The following CAP2 variants were observed in gnomAD, a reference collection of about 807,000 sequenced individuals.
CAP2 encodes cyclase associated actin cytoskeleton regulatory protein 2.
In CAP2, 24 loss-of-function variants were observed where a neutral mutation model predicts 57.7. The observed-to-expected ratio is 0.42, with a 90% CI of 0.30 to 0.58. CAP2 has a LOEUF of 0.58. CAP2 is among the 20% of genes least tolerant of loss of function. The pLI, the probability that CAP2 is intolerant of heterozygous loss-of-function variation, is 0.22. For missense variants in CAP2, 501 were observed against 590.3 expected (o/e 0.85, Z 1.57); for synonymous variants, 194 against 207.2 (o/e 0.94, Z 0.55).
At chr6:17,526,956 C>CAAAAAAAAAAAAA (rs1221212193) in intron 7 of CAP2, among the ~76,000 whole-genome samples, 2 of 80,108 alleles carry the variant, frequency 2.5e-5, no homozygotes, top group African/African-American at 5.1e-5. Context: ...GACTCTGTCT[C>CAAAAAAAAAAAAA]AAAAAAAAAA....
chr6:17,515,295 A>G (rs999240696), intron 7 of CAP2, among the ~76,000 whole-genome samples: 2 of 152,194 alleles, frequency 1.3e-5, no homozygotes, highest in African/African-American at 4.8e-5. Flanking sequence ...GAACAAAATC[A>G]TGTCCTTTGC....
At chr6:17,494,815 C>G (rs748337482) in intron 4 of CAP2, among the ~76,000 whole-genome samples, 1 of 152,118 alleles carries the variant, frequency 6.6e-6, no homozygotes, top group South Asian at 2.1e-4. Context: ...ATTGCGCTTC[C>G]AAATCAGTTG....
At position 17,556,695 on chromosome 6, in the gene CAP2, GA is replaced by G. The variant is rs527725408; in HGVS notation, c.*264del. ...ACTTGTGAACATTAGGGATTTAAAG[GA>G]AAAAAAAAAAGAATTCTGTTCCCCT... is the stretch of plus-strand genomic sequence containing the variant. On this transcript the variant is annotated 3_prime_UTR_variant, in exon 13 of 13. Transcript: ENST00000229922. 0.059 allele frequency: 19,859 copies of G among 336,368 alleles called. 6 individuals are homozygous for G. The highest frequency in any genetic ancestry group is 0.077 in the East Asian group (1,633 of 21,218). 20.8% of individuals were successfully genotyped at this position (336,368 alleles called of 1,614,324 possible).
intron 6 of CAP2, among the ~76,000 whole-genome samples, chr6:17,511,272 G>A (rs1381771260): frequency 2.6e-5 from 4 of 152,046 alleles, no homozygotes; most frequent in African/African-American, 4.8e-5. Flanking sequence ...ACTCAAGCCC[G>A]TGGTGCCGTC....
rs545647012 is a variant in CAP2, at chr6:17,497,992, C to T, written c.301-9177C>T. ...TAACATCGTGGGTCATTGTGTTAAA[C>T]GTTTACATTTCCATTCAACTTGACT... On this transcript the variant is annotated intron_variant, in intron 4 of 12. Coordinates refer to ENST00000229922, the MANE Select transcript of CAP2 (RefSeq NM_006366.3). Among the ~76,000 whole-genome samples, 91 of 152,328 alleles carry T rather than the reference C, an allele frequency of 6.0e-4. 2 individuals carry two copies. Among genetic ancestry groups the T allele is most frequent in the South Asian group, 4.8e-3 (23 of 4,826 alleles).
chr6:17,446,395 T>A (rs2113571483), intron 3 of CAP2, among the ~76,000 whole-genome samples: 1 of 152,376 alleles, frequency 6.6e-6, no homozygotes, highest in African/African-American at 2.4e-5. Context: ...CTTTTTTCTT[T>A]ATATGAGTAT....
chr6:17,488,289 C>A (rs1761468578), intron 4 of CAP2, among the ~76,000 whole-genome samples: 1 of 152,162 alleles, frequency 6.6e-6, no homozygotes, highest in Non-Finnish European at 1.5e-5. Context: ...GTATCTTTTT[C>A]TGCTGTTCTC....
intron 3 of CAP2, among the ~76,000 whole-genome samples, chr6:17,441,677 G>A (rs1031987894): frequency 3.4e-5 from 5 of 147,008 alleles, no homozygotes; most frequent in Admixed American, 6.7e-5. Flanking sequence ...TAGAGACAGC[G>A]TTTCACCATG....
intron 3 of CAP2, among the ~76,000 whole-genome samples, chr6:17,438,259 G>C (rs956148697): frequency 4.0e-5 from 6 of 149,530 alleles, no homozygotes; most frequent in Admixed American, 2.0e-4. Context: ...CCAGCTACTC[G>C]GGAGGCTGAG....
chr6:17,498,805 C>G (rs973785317), intron 4 of CAP2, among the ~76,000 whole-genome samples: 3 of 151,838 alleles, frequency 2.0e-5, no homozygotes, highest in African/African-American at 7.2e-5. Flanking sequence ...CTCTGCTCAC[C>G]GCAAGCTCCG....
intron 4 of CAP2, among the ~76,000 whole-genome samples, chr6:17,488,279 G>A (rs185916093): frequency 1.3e-5 from 2 of 152,060 alleles, no homozygotes; most frequent in Non-Finnish European, 2.9e-5. Flanking sequence ...GCTCTTTTTG[G>A]TATCTTTTTC....
chr6:17,420,281 G>A (rs920756838), intron 1 of CAP2, among the ~76,000 whole-genome samples: 6 of 152,122 alleles, frequency 3.9e-5, no homozygotes, highest in Non-Finnish European at 7.4e-5. Context: ...CCCCACCTAA[G>A]ACTAAATTTT....
At chr6:17,396,050 G>A (rs1200523901) in intron 1 of CAP2, among the ~76,000 whole-genome samples, 3 of 152,148 alleles carry the variant, frequency 2.0e-5, no homozygotes, top group Non-Finnish European at 2.9e-5. Flanking sequence ...CCCATGAAAA[G>A]ATACTCAACA....
intron 3 of CAP2, among the ~76,000 whole-genome samples, chr6:17,452,737 T>C (rs1367165956): frequency 1.3e-5 from 2 of 152,180 alleles, no homozygotes; most frequent in Non-Finnish European, 2.9e-5. Context: ...AGCGCACTTA[T>C]CAGAGAGTTT....
chr6:17,455,579 AGGCTG>A (rs919695593), intron 3 of CAP2, among the ~76,000 whole-genome samples: 4 of 150,362 alleles, frequency 2.7e-5, no homozygotes, highest in Non-Finnish European at 4.4e-5. Context: ...TCTGTCGCCC[AGGCTG>A]GAGTGCAGTG....
chr6:17,426,531 G>A (rs1759595358), intron 2 of CAP2, 59 bp from the exon 3 acceptor site: 9 of 1,273,540 alleles, frequency 7.1e-6, no homozygotes, highest in South Asian at 2.4e-5. Flanking sequence ...CACCGTGCCC[G>A]GCTAGTCCCA....
intron 3 of CAP2, among the ~76,000 whole-genome samples, chr6:17,430,687 C>T (rs996847971): frequency 1.3e-5 from 2 of 152,038 alleles, no homozygotes; most frequent in East Asian, 1.9e-4. Flanking sequence ...TACAGCCGCA[C>T]GCCACTACGT....
At chr6:17,410,340 T>A (rs1264973841) in intron 1 of CAP2, among the ~76,000 whole-genome samples, 1 of 152,186 alleles carries the variant, frequency 6.6e-6, no homozygotes, top group Non-Finnish European at 1.5e-5. Context: ...GCATCAGTAT[T>A]GCTGAGAGTG....
intron 4 of CAP2, among the ~76,000 whole-genome samples, chr6:17,500,384 T>TATATATATATATC: frequency 8.0e-6 from 1 of 124,846 alleles, no homozygotes; most frequent in East Asian, 2.3e-4. Flanking sequence ...TATATATATA[T>TATATATATATATC]TTGGAGACGG....
Sources: allele counts gnomAD v4.1 joint callset (sites outside exome capture counted in the v4.1 genomes callset), GRCh38; gene constraint gnomAD v4.1.1; transcripts MANE v1.5; gene names NCBI Gene and HGNC (gene_info 2026-07-23, HGNC 2026-07-21).